The following ANKRD44 variants were observed in gnomAD, a reference collection of about 807,000 sequenced individuals.
The protein encoded by ANKRD44 is ankyrin repeat domain 44.
Under a neutral mutation model 116.0 loss-of-function variants are expected in ANKRD44, and 35 were observed. The observed-to-expected ratio is 0.30, with a 90% confidence interval of 0.23 to 0.40. The LOEUF (loss-of-function observed/expected upper bound fraction) is 0.40. Ranked by LOEUF, ANKRD44 falls within the 10% of genes least tolerant of loss-of-function variation. The pLI is 1.00. For missense variants in ANKRD44, 1,014 were observed against 1,242.6 expected, an observed-to-expected ratio of 0.82 and a Z score of 2.77; for synonymous variants, 435 against 461.8, an observed-to-expected ratio of 0.94 and a Z score of 0.74.
At chr2:197,016,167 G>A (rs75353535) in intron 17 of ANKRD44, among the ~76,000 whole-genome samples, 20,126 of 152,158 alleles carry the variant, frequency 0.13, 1,491 homozygotes, top group African/African-American at 0.18. Flanking sequence ...AAAAGTTACC[G>A]CAGCTTAAGC....
intron 16 of ANKRD44, among the ~76,000 whole-genome samples, chr2:197,061,552 G>A (rs189352346): frequency 2.0e-5 from 3 of 152,314 alleles, no homozygotes; most frequent in Admixed American, 2.0e-4. Context: ...CATGAGAAGT[G>A]CGTAGAGCTC....
chr2:197,281,495 C>T (rs1344700252), intron 1 of ANKRD44, among the ~76,000 whole-genome samples: 4 of 152,070 alleles, frequency 2.6e-5, no homozygotes, highest in Non-Finnish European at 4.4e-5. Flanking sequence ...GAAAAAACAT[C>T]GTCAGTCCTT....
At chr2:197,114,260 T>C (rs147372771) in intron 8 of ANKRD44, among the ~76,000 whole-genome samples, 2 of 152,220 alleles carry the variant, frequency 1.3e-5, no homozygotes, top group Non-Finnish European at 2.9e-5. Context: ...AAAGCTTTTA[T>C]GAAAATTTTT....
At chr2:197,292,137 G>A (rs1339717027) in intron 1 of ANKRD44, among the ~76,000 whole-genome samples, 2 of 152,186 alleles carry the variant, frequency 1.3e-5, no homozygotes, top group African/African-American at 2.4e-5. Flanking sequence ...ATAAACATAT[G>A]TGTGCATGTG....
chr2:196,996,489 A>G (rs2076013670), intron 25 of ANKRD44, among the ~76,000 whole-genome samples: 1 of 152,182 alleles, frequency 6.6e-6, no homozygotes, highest in Non-Finnish European at 1.5e-5. Context: ...TTCATACTAT[A>G]ATGCCTTGTA....
downstream of ANKRD44, among the ~76,000 whole-genome samples, chr2:196,982,624 CCTTCAAG>C (rs1281535317): frequency 1.3e-5 from 2 of 152,162 alleles, no homozygotes; most frequent in African/African-American, 4.8e-5. Context: ...GTCAACTCTA[CCTTCAAG>C]ACATATCCAA....
At chr2:197,216,717 A>C (rs2081452333) in intron 1 of ANKRD44, among the ~76,000 whole-genome samples, 1 of 152,148 alleles carries the variant, frequency 6.6e-6, no homozygotes. Context: ...CACTAACATC[A>C]GCCCACACAT....
At chr2:197,215,808 C>T (rs976398376) in intron 1 of ANKRD44, among the ~76,000 whole-genome samples, 5 of 152,280 alleles carry the variant, frequency 3.3e-5, no homozygotes, top group South Asian at 2.1e-4. Flanking sequence ...TTAGGACTTT[C>T]GGCCTAATTA....
At chr2:197,091,224 A>T (rs1331581928) in intron 10 of ANKRD44, among the ~76,000 whole-genome samples, 1 of 152,228 alleles carries the variant, frequency 6.6e-6, no homozygotes, top group Non-Finnish European at 1.5e-5. Context: ...ATGCTGCTGC[A>T]GAGCCTGCAC....
intron 8 of ANKRD44, among the ~76,000 whole-genome samples, chr2:197,113,241 C>A (rs1319619482): frequency 6.6e-6 from 1 of 152,170 alleles, no homozygotes; most frequent in East Asian, 1.9e-4. Context: ...CAGAGCTAGG[C>A]CTTAGTTGTC....
In ANKRD44 at chr2:197,066,644, T is replaced by C. The variant is rs545901534; in HGVS notation, c.1650+12059A>G. Among the ~76,000 whole-genome samples the C allele has an allele frequency of 3.3e-5, 5 of 152,078 alleles. No individual in the cohort carries two copies. The East Asian group carries it at 5.8e-4, about 18-fold the overall frequency. On this transcript the variant is annotated intron_variant, in intron 16 of 27. Coordinates refer to ENST00000282272, the MANE Select transcript of ANKRD44 (RefSeq NM_001195144.2). Reference sequence around the variant, plus strand: ...AATCACAAGCATTCTTATACACCAATAACAGACAAACAGAGAGCCAAATCA... The same window carrying C: ...AATCACAAGCATTCTTATACACCAACAACAGACAAACAGAGAGCCAAATCA...
chr2:197,011,665 G>A (rs1043491107), intron 18 of ANKRD44, among the ~76,000 whole-genome samples: 2 of 152,040 alleles, frequency 1.3e-5, no homozygotes, highest in African/African-American at 4.8e-5. Context: ...AAGAGATGGG[G>A]TTTCACCTTG....
intron 1 of ANKRD44, among the ~76,000 whole-genome samples, chr2:197,261,671 T>G (rs2082609256): frequency 6.6e-6 from 1 of 152,190 alleles, no homozygotes; most frequent in Non-Finnish European, 1.5e-5. Context: ...ATAGTAGCTG[T>G]TATTACTGCT....
In ANKRD44 at chr2:197,111,368, C is replaced by T. The variant is rs184469772; in HGVS notation, c.907-524G>A. Among the ~76,000 whole-genome samples the T allele has an allele frequency of 1.7e-3, 260 of 152,292 alleles. 2 individuals are homozygous for T. Among genetic ancestry groups the T allele is most frequent in the African/African-American group, 5.5e-3 (230 of 41,560 alleles). On this transcript the variant is annotated intron_variant, in intron 8 of 27. Transcript: ENST00000282272. Reference sequence around the variant, plus strand: ...CTCTTAAAACTGACCTGAGGCCGGTCGTGGTGGCTCACACCTGTAATCCCA... The same window carrying T: ...CTCTTAAAACTGACCTGAGGCCGGTTGTGGTGGCTCACACCTGTAATCCCA...
intron 16 of ANKRD44, among the ~76,000 whole-genome samples, chr2:197,041,578 G>C (rs1295917757): frequency 6.6e-6 from 1 of 152,162 alleles, no homozygotes; most frequent in East Asian, 1.9e-4. Flanking sequence ...CATTCTAAGA[G>C]AAAAGGTCAG....
chr2:197,096,760 A>G (rs2078170196), intron 10 of ANKRD44, among the ~76,000 whole-genome samples: 1 of 152,202 alleles, frequency 6.6e-6, no homozygotes, highest in African/African-American at 2.4e-5. Flanking sequence ...CCTATAAGGA[A>G]CCCAGATAAC....
chr2:197,091,374 C>T (rs931808283), intron 10 of ANKRD44, among the ~76,000 whole-genome samples: 4 of 152,210 alleles, frequency 2.6e-5, no homozygotes, highest in Non-Finnish European at 5.9e-5. Context: ...ACCCCTGTCT[C>T]AAGTCCCACA....
intron 1 of ANKRD44, among the ~76,000 whole-genome samples, chr2:197,211,151 C>T (rs2081315859): frequency 6.6e-6 from 1 of 152,190 alleles, no homozygotes; most frequent in African/African-American, 2.4e-5. Flanking sequence ...TGGGAGATCA[C>T]AGGAGTTGCC....
At chr2:197,286,728 AT>A (rs1226828582) in intron 1 of ANKRD44, among the ~76,000 whole-genome samples, 3 of 152,088 alleles carry the variant, frequency 2.0e-5, no homozygotes, top group African/African-American at 7.2e-5. Context: ...AACTGTACGA[AT>A]TGGTTTCTAT....
Sources: gnomAD v4.1 joint callset for allele counts (sites outside exome capture counted in the v4.1 genomes callset) on GRCh38, gnomAD v4.1.1 for gene constraint, MANE v1.5 for transcripts, NCBI Gene and HGNC (gene_info 2026-07-23, HGNC 2026-07-21) for gene names.